PLCH1: variants seen among roughly 807,000 people sequenced by gnomAD.
PLCH1 encodes the protein 1-phosphatidylinositol 4,5-bisphosphate phosphodiesterase eta-1.
In PLCH1, 60 loss-of-function variants were observed where a neutral mutation model predicts 126.7. The observed-to-expected ratio is 0.47, with a 90% confidence interval of 0.38 to 0.59. PLCH1 has a LOEUF of 0.59. Among genes scored for constraint, PLCH1 ranks in the 20% least tolerant of loss-of-function variants. The pLI is 0.00. For missense variants in PLCH1, 1,723 were observed against 2,040.0 expected (o/e 0.84, Z 2.99); for synonymous variants, 719 against 734.9 (o/e 0.98, Z 0.35).
At chr3:155,463,740 G>A (rs1218957927) in intron 21 of PLCH1, among the ~76,000 whole-genome samples, 7 of 152,096 alleles carry the variant, frequency 4.6e-5, no homozygotes, top group African/African-American at 7.2e-5. Flanking sequence ...AATTAAAAGC[G>A]AGAGGAAAAA....
chr3:155,567,514 A>C (rs987136082), intron 7 of PLCH1, among the ~76,000 whole-genome samples: 1 of 152,222 alleles, frequency 6.6e-6, no homozygotes, highest in Non-Finnish European at 1.5e-5. Flanking sequence ...TTGGTGAGAT[A>C]AACCATGGCT....
downstream of PLCH1, among the ~76,000 whole-genome samples, chr3:155,477,659 TG>T (rs1713600574): frequency 6.6e-6 from 1 of 152,152 alleles, no homozygotes; most frequent in South Asian, 2.1e-4. Context: ...TCAACATCAT[TG>T]ATCATCAGAG....
rs534834731 is a variant in PLCH1, at chr3:155,651,037, CAA to C, written c.79+53107_79+53108del. On this transcript the variant is annotated intron_variant, in intron 2 of 22. Transcript: ENST00000460012. The stretch of plus-strand genomic sequence containing the variant: ...TGGGCAACAGAGCGAGACTCCGTCT[CAA>C]AAAAAAAAAAATGCAGATTTAAACA... 1.6e-3 allele frequency among the ~76,000 whole-genome samples: 206 copies of C among 131,822 alleles called. 1 individual carries two copies. The highest frequency in any genetic ancestry group is 5.5e-3 in the African/African-American group (198 of 35,978). The allele number at this position is 131,822 out of a possible 152,430, so 86.5% of individuals were successfully genotyped here. A position where few individuals can be genotyped will look rare whatever the true frequency, so the allele number is the denominator to read the frequency against.
intron 2 of PLCH1, among the ~76,000 whole-genome samples, chr3:155,600,558 T>C (rs1733576734): frequency 6.7e-6 from 1 of 150,366 alleles, no homozygotes; most frequent in Non-Finnish European, 1.5e-5. Context: ...ATGTTCACCA[T>C]CCCTTTAATT....
At chr3:155,517,412 A>T (rs1387620969) in intron 11 of PLCH1, among the ~76,000 whole-genome samples, 1 of 152,198 alleles carries the variant, frequency 6.6e-6, no homozygotes, top group African/African-American at 2.4e-5. Context: ...ACACGTCTGG[A>T]GGCCAAAAGT....
At chr3:155,673,204 T>C (rs1258533421) in intron 2 of PLCH1, among the ~76,000 whole-genome samples, 1 of 151,942 alleles carries the variant, frequency 6.6e-6, no homozygotes, top group Non-Finnish European at 1.5e-5. Context: ...CAAGGCTCAG[T>C]TCAAATGTCA....
At chr3:155,535,732 G>A (rs1481754608) in intron 10 of PLCH1, among the ~76,000 whole-genome samples, 1 of 152,150 alleles carries the variant, frequency 6.6e-6, no homozygotes, top group Non-Finnish European at 1.5e-5. Context: ...TAATCTCTTG[G>A]GAGCTCTATG....
intron 2 of PLCH1, among the ~76,000 whole-genome samples, chr3:155,645,338 T>C (rs1739893008): frequency 6.6e-6 from 1 of 152,020 alleles, no homozygotes; most frequent in Admixed American, 6.6e-5. Context: ...GCCTCCTAAG[T>C]AGCTGGGAAT....
chr3:155,646,258 C>T (rs1288737683), intron 2 of PLCH1, among the ~76,000 whole-genome samples: 1 of 152,204 alleles, frequency 6.6e-6, no homozygotes, highest in Admixed American at 6.5e-5. Context: ...ACCCTCTTGG[C>T]TTCAGGCTCA....
downstream of PLCH1, among the ~76,000 whole-genome samples, chr3:155,478,542 A>G (rs1267094223): frequency 6.6e-6 from 1 of 152,166 alleles, no homozygotes; most frequent in Non-Finnish European, 1.5e-5. Context: ...CCTACTGTGT[A>G]CCCACACAAA....
At chr3:155,513,014 C>A (rs1719798514) in intron 12 of PLCH1, among the ~76,000 whole-genome samples, 1 of 152,188 alleles carries the variant, frequency 6.6e-6, no homozygotes, top group Non-Finnish European at 1.5e-5. Flanking sequence ...AGGCAAATTT[C>A]ATTTTTACTT....
At chr3:155,560,507 G>A (rs1038452842) in intron 8 of PLCH1, among the ~76,000 whole-genome samples, 3 of 152,058 alleles carry the variant, frequency 2.0e-5, no homozygotes, top group South Asian at 4.1e-4. Flanking sequence ...ACTATTGAAC[G>A]ACTAAATTTA....
chr3:155,584,334 C>T (rs1244894022), intron 5 of PLCH1, among the ~76,000 whole-genome samples: 1 of 152,126 alleles, frequency 6.6e-6, no homozygotes, highest in African/African-American at 2.4e-5. Context: ...TAATTTTTAC[C>T]TATGAGAGAA....
intron 1 of PLCH1, among the ~76,000 whole-genome samples, chr3:155,720,186 T>C (rs1448200492): frequency 1.3e-5 from 2 of 152,196 alleles, no homozygotes; most frequent in Non-Finnish European, 2.9e-5. Flanking sequence ...ACATGTGTGG[T>C]CAAGTATCTT....
chr3:155,460,588 C>G (rs545386727), intron 21 of PLCH1, among the ~76,000 whole-genome samples: 7 of 152,228 alleles, frequency 4.6e-5, no homozygotes, highest in Admixed American at 6.5e-5. Context: ...TTAGCCCCCC[C>G]TCCAGGCCAA....
chr3:155,597,206 G>A (rs1176300376), intron 2 of PLCH1, among the ~76,000 whole-genome samples: 1 of 152,146 alleles, frequency 6.6e-6, no homozygotes, highest in Admixed American at 6.5e-5. Context: ...CAGTGAAAGA[G>A]TAGACACACC....
intron 2 of PLCH1, among the ~76,000 whole-genome samples, chr3:155,702,015 CTCTAAATCCTT>C (rs1746313318): frequency 6.6e-6 from 1 of 152,130 alleles, no homozygotes; most frequent in Admixed American, 6.5e-5. Context: ...GATTTAATAT[CTCTAAATCCTT>C]TCGAAAGAGT....
rs141729151 is a variant in PLCH1 at position 155,584,846 on chromosome 3, C to T, written c.601-1204G>A. Among the ~76,000 whole-genome samples, 1,498 of 152,012 alleles carry T rather than the reference C, an allele frequency of 9.9e-3. 17 individuals are homozygous for T. The highest frequency in any genetic ancestry group is 0.021 in the African/African-American group (856 of 41,470). ...GATTTGTATAGGTACAGACTTTGTC[C>T]CCCCCCTTTAGGATTGGCCTCTTAC... On this transcript the variant is annotated intron_variant, in intron 5 of 22. Coordinates refer to ENST00000460012, the MANE Select transcript of PLCH1 (RefSeq NM_014996.4).
chr3:155,674,204 A>T (rs565276716), intron 2 of PLCH1, among the ~76,000 whole-genome samples: 28 of 152,322 alleles, frequency 1.8e-4, no homozygotes, highest in Non-Finnish European at 3.5e-4. Context: ...AATCACTAAG[A>T]TGAGCTTTAG....
Sources: allele counts gnomAD v4.1 joint callset (sites outside exome capture counted in the v4.1 genomes callset), GRCh38; gene constraint gnomAD v4.1.1; transcripts MANE v1.5; gene names NCBI Gene and HGNC (gene_info 2026-07-23, HGNC 2026-07-21).